GPC5: variants seen among roughly 807,000 people sequenced by gnomAD.
GPC5 encodes glypican-5.
In GPC5, 47 loss-of-function variants were observed where a neutral mutation model predicts 53.9. That is an observed-to-expected ratio of 0.87 (90% CI 0.69 to 1.11). The LOEUF is 1.11. Among genes scored for constraint, GPC5 ranks in the 50% most tolerant of loss-of-function variants. The pLI is 0.00. For missense variants in GPC5, 748 were observed against 713.1 expected, an observed-to-expected ratio of 1.05 and a Z score of -0.56; for synonymous variants, 286 against 263.3, an observed-to-expected ratio of 1.09 and a Z score of -0.84.
chr13:92,318,517 T>C (rs2043194884), intron 7 of GPC5, among the ~76,000 whole-genome samples: 1 of 152,212 alleles, frequency 6.6e-6, no homozygotes, highest in African/African-American at 2.4e-5. Flanking sequence ...TTGCTTTTAT[T>C]ATAAATTACT....
In GPC5 at chr13:92,510,005, T is replaced by A. The variant is rs113369389; in HGVS notation, c.1562-356277T>A. 2.1e-3 allele frequency: 321 copies of A among 152,296 alleles called. 2 individuals are homozygous for A. The highest frequency in any genetic ancestry group is 7.6e-3 in the African/African-American group (315 of 41,562). 9.4% of individuals were successfully genotyped at this position (152,296 alleles called of 1,614,324 possible). A position where few individuals can be genotyped will look rare whatever the true frequency, so the allele number is the denominator to read the frequency against. On this transcript the variant is annotated intron_variant, in intron 7 of 7. Transcript: ENST00000377067. ...AATATTTCAGATTGTATAAGAGATT[T>A]TGAGGCATGTTATTGTACATACAAA...
intron 7 of GPC5, among the ~76,000 whole-genome samples, chr13:92,412,603 T>C (rs1421895495): frequency 1.3e-5 from 2 of 152,186 alleles, no homozygotes; most frequent in Non-Finnish European, 2.9e-5. Context: ...TATTGAAACA[T>C]AGCCATGACC....
chr13:91,907,357 T>C (rs1228958251), intron 5 of GPC5, among the ~76,000 whole-genome samples: 1 of 147,412 alleles, frequency 6.8e-6, no homozygotes, highest in Non-Finnish European at 1.5e-5. Flanking sequence ...CACTTATTAC[T>C]TGGAGGAACT....
At chr13:92,238,720 T>C (rs2139111836) in intron 7 of GPC5, among the ~76,000 whole-genome samples, 1 of 152,190 alleles carries the variant, frequency 6.6e-6, no homozygotes. Context: ...GGTTAACTTT[T>C]CATTATCTTG....
intron 6 of GPC5, among the ~76,000 whole-genome samples, chr13:92,023,692 ACACTCTCTCT>A (rs1286914348): frequency 2.1e-4 from 22 of 105,508 alleles, no homozygotes; most frequent in South Asian, 5.8e-4. Context: ...ACACACACAC[ACACTCTCTCT>A]CTCTCTTATA....
chr13:91,619,444 A>G (rs1460357453), intron 2 of GPC5, among the ~76,000 whole-genome samples: 1 of 152,024 alleles, frequency 6.6e-6, no homozygotes, highest in Non-Finnish European at 1.5e-5. Context: ...GCTGTATTCA[A>G]CTCTATGCAC....
At chr13:91,926,402 A>G (rs1293416454) in intron 6 of GPC5, among the ~76,000 whole-genome samples, 1 of 151,230 alleles carries the variant, frequency 6.6e-6, no homozygotes, top group East Asian at 1.9e-4. Context: ...GCTTTGGAGT[A>G]TATTAATAAG....
chr13:91,722,411 G>A (rs2139975200), intron 3 of GPC5, among the ~76,000 whole-genome samples: 1 of 152,274 alleles, frequency 6.6e-6, no homozygotes, highest in South Asian at 2.1e-4. Context: ...TCCTTTAAGA[G>A]CCTGAACTAA....
At chr13:92,221,535 A>T (rs767891059) in intron 7 of GPC5, among the ~76,000 whole-genome samples, 1 of 152,076 alleles carries the variant, frequency 6.6e-6, no homozygotes, top group African/African-American at 2.4e-5. Context: ...CCTCTCCCAC[A>T]TGGGCCACTT....
At chr13:92,351,638 T>G (rs1274669074) in intron 7 of GPC5, among the ~76,000 whole-genome samples, 1 of 152,046 alleles carries the variant, frequency 6.6e-6, no homozygotes, top group Non-Finnish European at 1.5e-5. Context: ...AATACAAGTG[T>G]TTAACAAGGT....
intron 7 of GPC5, among the ~76,000 whole-genome samples, chr13:92,812,050 T>C (rs1430450261): frequency 6.6e-6 from 1 of 151,948 alleles, no homozygotes; most frequent in African/African-American, 2.4e-5. Context: ...TTTATTCCTC[T>C]TTTTCAAAAT....
chr13:92,828,494 C>G (rs546415054), intron 7 of GPC5, among the ~76,000 whole-genome samples: 9 of 152,218 alleles, frequency 5.9e-5, no homozygotes, highest in African/African-American at 2.2e-4. Context: ...ATCTGGCTGG[C>G]TGGCTATATT....
chr13:91,446,387 G>C lies in GPC5; in HGVS notation c.164-2374G>C, dbSNP rs76042213. The stretch of plus-strand genomic sequence containing the variant: ...TGAGGCACATTACTGTTTTATTTTT[G>C]GTTTTGTTTTAGTACTCTGTTTCTT... On this transcript the variant is annotated intron_variant, in intron 1 of 7. Transcript: ENST00000377067. 1.7e-4 allele frequency among the ~76,000 whole-genome samples: 26 copies of C among 152,124 alleles called. No individual in the cohort carries two copies. The East Asian group carries it at 5.0e-3, about 29-fold the overall frequency.
At chr13:92,386,085 A>G (rs1874704735) in intron 7 of GPC5, among the ~76,000 whole-genome samples, 2 of 151,924 alleles carry the variant, frequency 1.3e-5, no homozygotes, top group Non-Finnish European at 2.9e-5. Context: ...ACCTAGCAAG[A>G]CATAGTTTCT....
At chr13:91,715,010 G>A (rs1004792713) in intron 3 of GPC5, among the ~76,000 whole-genome samples, 7 of 152,222 alleles carry the variant, frequency 4.6e-5, no homozygotes, top group South Asian at 4.1e-4. Context: ...AGTTCTGTAA[G>A]TCGTGTTTAT....
At chr13:92,218,025 G>A (rs776991141) in intron 7 of GPC5, among the ~76,000 whole-genome samples, 11 of 147,210 alleles carry the variant, frequency 7.5e-5, no homozygotes, top group Admixed American at 5.6e-4. Context: ...TTGGGCTCCA[G>A]CGGTCCTCCT....
chr13:91,529,145 G>T (rs776685403), intron 2 of GPC5, among the ~76,000 whole-genome samples: 1 of 152,142 alleles, frequency 6.6e-6, no homozygotes, highest in Non-Finnish European at 1.5e-5. Context: ...AGAATAAGGC[G>T]TTCTGTTTTG....
chr13:91,880,492 T>C (rs2039252484), intron 5 of GPC5, among the ~76,000 whole-genome samples: 1 of 152,148 alleles, frequency 6.6e-6, no homozygotes, highest in South Asian at 2.1e-4. Context: ...CTGTACCATT[T>C]TGAAGTTCTT....
chr13:91,712,380 GTA>G (rs914202967), intron 3 of GPC5, among the ~76,000 whole-genome samples: 19 of 151,378 alleles, frequency 1.3e-4, no homozygotes, highest in South Asian at 6.2e-4. Flanking sequence ...ATATATGTGT[GTA>G]TATATATGTG....
Sources: gnomAD v4.1 joint callset for allele counts (sites outside exome capture counted in the v4.1 genomes callset) on GRCh38, gnomAD v4.1.1 for gene constraint, MANE v1.5 for transcripts, NCBI Gene and HGNC (gene_info 2026-07-23, HGNC 2026-07-21) for gene names.